The following NCK1 variants were observed in gnomAD, a reference collection of about 807,000 sequenced individuals.
NCK1 encodes SH2/SH3 adapter protein NCK1.
In NCK1, 19 loss-of-function variants were observed where a neutral mutation model predicts 36.6. The ratio of observed to expected loss-of-function variants is 0.52; its 90% confidence interval spans 0.36 to 0.76. The LOEUF (loss-of-function observed/expected upper bound fraction) is 0.76. NCK1 is among the 30% of genes least tolerant of loss of function. NCK1 has a pLI of 0.00. For synonymous variants in NCK1, 165 were observed against 156.0 expected (o/e 1.06, Z -0.43); for missense variants, 358 against 445.6 (o/e 0.80, Z 1.77).
intron 1 of NCK1, among the ~76,000 whole-genome samples, chr3:136,908,078 A>G (rs1241301246): frequency 2.6e-5 from 4 of 152,216 alleles, no homozygotes. Flanking sequence ...AGTGTTTACC[A>G]TTCAAAAGTA....
chr3:136,885,246 T>A (rs533641787), intron 1 of NCK1, among the ~76,000 whole-genome samples: 83 of 152,266 alleles, frequency 5.5e-4, no homozygotes, highest in African/African-American at 1.8e-3. Flanking sequence ...AGCTACATGA[T>A]GGGTTTAAGG....
intron 1 of NCK1, among the ~76,000 whole-genome samples, chr3:136,923,559 C>CAAATAAAT (rs71134421): frequency 0.075 from 10,933 of 145,574 alleles, 465 homozygotes; most frequent in Non-Finnish European, 0.1. Context: ...GACTCCGTCT[C>CAAATAAAT]AAATAAATAA....
intron 1 of NCK1, among the ~76,000 whole-genome samples, chr3:136,903,751 G>A (rs1372378609): frequency 1.4e-5 from 2 of 139,710 alleles, no homozygotes; most frequent in Non-Finnish European, 1.6e-5. Context: ...CTTTTAAGTG[G>A]AAAGTTTGAT....
intron 3 of NCK1, among the ~76,000 whole-genome samples, chr3:136,946,623 A>G (rs1416048853): frequency 2.0e-5 from 3 of 152,180 alleles, no homozygotes; most frequent in Non-Finnish European, 4.4e-5. Context: ...TGAGAGTAGA[A>G]TAATACTATA....
At chr3:136,931,619 C>T (rs1211982797) in intron 2 of NCK1, among the ~76,000 whole-genome samples, 2 of 152,092 alleles carry the variant, frequency 1.3e-5, no homozygotes, top group East Asian at 1.9e-4. Context: ...CTTATTTGCT[C>T]ATTCATTTGT....
chr3:136,864,055 C>T (rs1213672150), intron 1 of NCK1, among the ~76,000 whole-genome samples: 1 of 150,570 alleles, frequency 6.6e-6, no homozygotes, highest in African/African-American at 2.4e-5. Context: ...GAGCCGAGAT[C>T]GCGCCACTGC....
intron 1 of NCK1, among the ~76,000 whole-genome samples, chr3:136,874,238 C>G (rs916778460): frequency 6.6e-6 from 1 of 152,068 alleles, no homozygotes; most frequent in African/African-American, 2.4e-5. Flanking sequence ...TGCAGTGGTG[C>G]GATCTCAGCT....
At chr3:136,927,480 G>A (rs1377924679) in intron 1 of NCK1, among the ~76,000 whole-genome samples, 2 of 152,164 alleles carry the variant, frequency 1.3e-5, no homozygotes, top group African/African-American at 4.8e-5. Flanking sequence ...TGCCCTTTAA[G>A]TTTTGTTTGA....
At chr3:136,876,969 T>G (rs752140185) in intron 1 of NCK1, among the ~76,000 whole-genome samples, 4 of 152,206 alleles carry the variant, frequency 2.6e-5, no homozygotes, top group Non-Finnish European at 5.9e-5. Context: ...TTTACCACAG[T>G]GTTTTTTAAC....
At chr3:136,923,105 ATGTG>A (rs34553311) in intron 1 of NCK1, among the ~76,000 whole-genome samples, 1 of 150,796 alleles carries the variant, frequency 6.6e-6, no homozygotes, top group African/African-American at 2.4e-5. Context: ...GCCTATGTGT[ATGTG>A]TGTGTGTGTG....
chr3:136,935,377 C>CT (rs1049736575), intron 2 of NCK1, among the ~76,000 whole-genome samples: 76 of 147,276 alleles, frequency 5.2e-4, no homozygotes, highest in Admixed American at 2.2e-3. Context: ...TCAGGTTTAA[C>CT]TTTTTTTTTT....
intron 2 of NCK1, among the ~76,000 whole-genome samples, chr3:136,942,918 T>G (rs1940713936): frequency 1.3e-5 from 2 of 152,208 alleles, no homozygotes. Context: ...GCTCAGGTCC[T>G]TCAGGGAGCT....
intron 1 of NCK1, among the ~76,000 whole-genome samples, chr3:136,925,982 C>T (rs1276661399): frequency 6.6e-6 from 1 of 152,072 alleles, no homozygotes; most frequent in Non-Finnish European, 1.5e-5. Context: ...TTCAACTTAC[C>T]CTTGTCAGCA....
chr3:136,868,010 C>T (rs545459084), intron 1 of NCK1, among the ~76,000 whole-genome samples: 2 of 151,946 alleles, frequency 1.3e-5, no homozygotes, highest in African/African-American at 4.8e-5. Flanking sequence ...CTCCGCCTCT[C>T]GGGTTCAAGC....
In NCK1 at chr3:136,927,117, G is replaced by A. The variant is rs143620020; in HGVS notation, c.-18-867G>A. Among the ~76,000 whole-genome samples the A allele has an allele frequency of 2.7e-3, 405 of 152,102 alleles. 2 individuals carry two copies. Among genetic ancestry groups the A allele is most frequent in the African/African-American group, 9.4e-3 (390 of 41,502 alleles). ...CTCCTGAGTAGCTGGGATTCCAAGTGTGCGCCACCATACCTAGCTAATTTT... is the reference window on the plus strand; with the variant it reads ...CTCCTGAGTAGCTGGGATTCCAAGTATGCGCCACCATACCTAGCTAATTTT... On this transcript the variant is annotated intron_variant, in intron 1 of 3. Transcript: ENST00000481752.
chr3:136,892,990 C>T (rs905259899), intron 1 of NCK1, among the ~76,000 whole-genome samples: 2 of 151,294 alleles, frequency 1.3e-5, no homozygotes, highest in Admixed American at 6.6e-5. Flanking sequence ...TATGCTTTTG[C>T]GTCCTCATAG....
chr3:136,916,574 C>T (rs1407795958), intron 1 of NCK1, among the ~76,000 whole-genome samples: 2 of 151,980 alleles, frequency 1.3e-5, no homozygotes, highest in Non-Finnish European at 2.9e-5. Flanking sequence ...CAATCTAAAC[C>T]TTATTAATAA....
chr3:136,898,385 CAA>C (rs36033316), intron 1 of NCK1, among the ~76,000 whole-genome samples: 56 of 76,524 alleles, frequency 7.3e-4, no homozygotes, highest in Admixed American at 1.3e-3. Flanking sequence ...GACTCCCTCT[CAA>C]AAAAAAAAAA....
At chr3:136,898,767 C>T (rs1172872434) in intron 1 of NCK1, among the ~76,000 whole-genome samples, 1 of 152,180 alleles carries the variant, frequency 6.6e-6, no homozygotes, top group African/African-American at 2.4e-5. Flanking sequence ...TGGAAAGGCA[C>T]ATCATGTAAC....
Sources: allele counts gnomAD v4.1 joint callset (sites outside exome capture counted in the v4.1 genomes callset), GRCh38; gene constraint gnomAD v4.1.1; transcripts MANE v1.5; gene names NCBI Gene and HGNC (gene_info 2026-07-23, HGNC 2026-07-21).